Variants in PAQR5 observed in about 807,000 individuals in gnomAD.
The protein encoded by PAQR5 is membrane progestin receptor gamma.
In PAQR5, 20 loss-of-function variants were observed where a neutral mutation model predicts 34.5. The observed-to-expected ratio is 0.58, with a 90% CI of 0.41 to 0.84. The LOEUF (loss-of-function observed/expected upper bound fraction) is 0.84, where lower values mean the gene tolerates loss of function less well. PAQR5 is among the 40% of genes least tolerant of loss of function. PAQR5 has a pLI of 0.00. For missense variants in PAQR5, 378 were observed against 412.7 expected (o/e 0.92, Z 0.73); for synonymous variants, 131 against 155.6 (o/e 0.84, Z 1.18).
chr15:69,390,598 A>G (rs1420851667), intron 6 of PAQR5, among the ~76,000 whole-genome samples: 1 of 152,036 alleles, frequency 6.6e-6, no homozygotes, highest in African/African-American at 2.4e-5. Context: ...CTCATCTATA[A>G]AATGAGGCCA....
chr15:69,333,404 C>G (rs1196038863), intron 1 of PAQR5, among the ~76,000 whole-genome samples: 1 of 152,056 alleles, frequency 6.6e-6, no homozygotes, highest in Admixed American at 6.5e-5. Context: ...TGTGTAATAA[C>G]TAGGTAGGAA....
rs1383304116 is a variant in PAQR5 at position 69,363,354 on chromosome 15, G to C, written c.51+3223G>C. Among the ~76,000 whole-genome samples the C allele has an allele frequency of 2.6e-5, 4 of 152,092 alleles. No individual in the cohort carries two copies. In the East Asian group the frequency reaches 7.7e-4, roughly 29 times the overall value. On this transcript the variant is annotated intron_variant, in intron 3 of 8. Coordinates refer to ENST00000395407, the MANE Select transcript of PAQR5 (RefSeq NM_017705.4). ...TCCAAAACTAAGCTTGGGTACATCAGAGGGTCATTAAAGATGTGAACAAAA... is the reference window on the plus strand; with the variant it reads ...TCCAAAACTAAGCTTGGGTACATCACAGGGTCATTAAAGATGTGAACAAAA...
At chr15:69,328,045 T>A (rs953567757) in intron 1 of PAQR5, among the ~76,000 whole-genome samples, 2 of 152,066 alleles carry the variant, frequency 1.3e-5, no homozygotes, top group African/African-American at 4.8e-5. Flanking sequence ...CCTCCCAAAG[T>A]GCTGGGATTA....
intron 2 of PAQR5, among the ~76,000 whole-genome samples, chr15:69,355,313 T>G (rs2055032357): frequency 3.0e-5 from 1 of 33,522 alleles, no homozygotes; most frequent in Non-Finnish European, 5.4e-5. Flanking sequence ...TCTTTCTTTC[T>G]TTCTTTCTTT....
At chr15:69,306,556 C>G (rs557681597) in intron 1 of PAQR5, among the ~76,000 whole-genome samples, 1 of 151,752 alleles carries the variant, frequency 6.6e-6, no homozygotes, top group African/African-American at 2.4e-5. Flanking sequence ...GGATTACAGG[C>G]GCACACCACC....
At chr15:69,332,265 C>A (rs2054397579) in intron 1 of PAQR5, among the ~76,000 whole-genome samples, 2 of 152,076 alleles carry the variant, frequency 1.3e-5, no homozygotes, top group African/African-American at 4.8e-5. Flanking sequence ...GGTTTAGGAC[C>A]CCTATAAGCC....
At chr15:69,359,347 C>T (rs956052499) in intron 2 of PAQR5, among the ~76,000 whole-genome samples, 1 of 152,096 alleles carries the variant, frequency 6.6e-6, no homozygotes, top group South Asian at 2.1e-4. Flanking sequence ...CCTCAGACAC[C>T]GAGTTAAAGA....
rs958471537 is a variant in PAQR5 at position 69,406,457 on chromosome 15, G to A, written c.*2635G>A. 1.3e-5 allele frequency: 2 copies of A among 152,354 alleles called. No individual in the cohort carries two copies. The highest frequency in any genetic ancestry group is 2.1e-4 in the South Asian group (1 of 4,826). The allele number at this position is 152,354 out of a possible 1,614,324, so 9.4% of individuals were successfully genotyped here. On this transcript the variant is annotated 3_prime_UTR_variant, in exon 9 of 9. Transcript: ENST00000395407. ...TGAATTTGTGGCTGGTCTGAAGGTA[G>A]TGAGTTAGCTCAATTGATTGTTCGC...
intron 2 of PAQR5, among the ~76,000 whole-genome samples, chr15:69,342,557 C>T (rs924150512): frequency 6.6e-6 from 1 of 152,114 alleles, no homozygotes; most frequent in Non-Finnish European, 1.5e-5. Context: ...TAAGGTAAAA[C>T]GTGGTCTGAA....
chr15:69,403,841 C>CAAA lies in PAQR5; in HGVS notation c.*20_*21insAAA. The stretch of plus-strand genomic sequence containing the variant: ...AACATGACTCAGACCATAAGCTTTT[C>CAAA]ATGCCAGATGTCAACATTAAGCTGC... On this transcript the variant is annotated 3_prime_UTR_variant, in exon 9 of 9. Coordinates refer to ENST00000395407, the MANE Select transcript of PAQR5 (RefSeq NM_017705.4). 1.9e-6 allele frequency: 3 copies of CAAA among 1,610,484 alleles called. No individual in the cohort carries two copies. Among genetic ancestry groups the CAAA allele is most frequent in the Non-Finnish European group, 1.7e-6 (2 of 1,178,780 alleles).
At chr15:69,341,446 T>C (rs2140733467) in intron 2 of PAQR5, among the ~76,000 whole-genome samples, 1 of 151,238 alleles carries the variant, frequency 6.6e-6, no homozygotes, top group East Asian at 2.0e-4. Flanking sequence ...GGCCTTGTTC[T>C]CCTGAGCTCA....
At chr15:69,350,667 TCA>T (rs61320862) in intron 2 of PAQR5, among the ~76,000 whole-genome samples, 11,616 of 148,714 alleles carry the variant, frequency 0.078, 1,046 homozygotes, top group African/African-American at 0.22. Flanking sequence ...AATTAAAAAA[TCA>T]CACACACACA....
At chr15:69,399,348 C>T (rs966587695) in intron 7 of PAQR5, among the ~76,000 whole-genome samples, 8 of 152,232 alleles carry the variant, frequency 5.3e-5, no homozygotes, top group South Asian at 2.1e-4. Flanking sequence ...TCTTCTTCCT[C>T]CTCCTCAGGA....
intron 4 of PAQR5, among the ~76,000 whole-genome samples, chr15:69,381,933 A>G (rs1253696203): frequency 6.6e-6 from 1 of 152,178 alleles, no homozygotes; most frequent in Non-Finnish European, 1.5e-5. Flanking sequence ...CCAGCTCTCT[A>G]GGAGTGATTT....
At chr15:69,366,866 G>T (rs12324162) in intron 3 of PAQR5, among the ~76,000 whole-genome samples, 10 of 151,906 alleles carry the variant, frequency 6.6e-5, no homozygotes, top group African/African-American at 2.4e-4. Flanking sequence ...TGTTTTTTAG[G>T]TATATCCAAG....
At chr15:69,380,772 CCCACTCAGA>C (rs2140918745) in intron 4 of PAQR5, among the ~76,000 whole-genome samples, 1 of 152,328 alleles carries the variant, frequency 6.6e-6, no homozygotes, top group East Asian at 1.9e-4. Flanking sequence ...AAGCCACTGT[CCCACTCAGA>C]CCACCACTGG....
At chr15:69,320,842 T>C (rs561658680) in intron 1 of PAQR5, among the ~76,000 whole-genome samples, 1 of 152,368 alleles carries the variant, frequency 6.6e-6, no homozygotes, top group Non-Finnish European at 1.5e-5. Context: ...GCAATATCAT[T>C]ATGTCACAAG....
chr15:69,298,969 C>T lies in PAQR5; in HGVS notation c.-364C>T, dbSNP rs1037506466. The T allele has an allele frequency of 2.0e-5, 3 of 151,984 alleles. No homozygotes were observed. Among genetic ancestry groups the T allele is most frequent in the Admixed American group, 2.0e-4 (3 of 15,272 alleles). 9.4% of individuals were successfully genotyped at this position (151,984 alleles called of 1,614,324 possible). ...GCAGGGCCCGCGAGTCCGGGGTCGC[C>T]GCAGCCCGGGAGGAGTGTCTGGTCT... On this transcript the variant is annotated 5_prime_UTR_variant, in exon 1 of 9. Coordinates refer to ENST00000395407, the MANE Select transcript of PAQR5 (RefSeq NM_017705.4).
At chr15:69,326,269 G>A (rs547756255) in intron 1 of PAQR5, among the ~76,000 whole-genome samples, 37 of 152,232 alleles carry the variant, frequency 2.4e-4, no homozygotes, top group Middle Eastern at 6.8e-3. Context: ...AGCCTGGCAG[G>A]AGTAGTGAGG....
Sources: allele counts gnomAD v4.1 joint callset (sites outside exome capture counted in the v4.1 genomes callset), GRCh38; gene constraint gnomAD v4.1.1; transcripts MANE v1.5; gene names NCBI Gene and HGNC (gene_info 2026-07-23, HGNC 2026-07-21).